The following BAZ2B variants were observed in gnomAD, a reference collection of about 807,000 sequenced individuals.
BAZ2B encodes bromodomain adjacent to zinc finger domain 2B.
A neutral mutation model predicts 246.0 loss-of-function variants in BAZ2B; 91 were observed. The ratio of observed to expected loss-of-function variants is 0.37; its 90% CI spans 0.31 to 0.44. The LOEUF (loss-of-function observed/expected upper bound fraction) is 0.44, where lower values mean the gene tolerates loss of function less well. Among genes scored for constraint, BAZ2B ranks in the 20% least tolerant of loss-of-function variants. The pLI, the probability that BAZ2B is intolerant of heterozygous loss-of-function variation, is 1.00. For missense variants in BAZ2B, 2,332 were observed against 2,533.7 expected (o/e 0.92, Z 1.71); for synonymous variants, 855 against 860.0 (o/e 0.99, Z 0.10).
At chr2:159,660,695 G>A in the BAZ2B span, among the ~76,000 whole-genome samples, 2 of 152,110 alleles carry the variant, frequency 1.3e-5, no homozygotes, top group African/African-American at 2.4e-5. Flanking sequence ...CACCTTCCAT[G>A]TTCAAACAAT....
intron 2 of BAZ2B, among the ~76,000 whole-genome samples, chr2:159,504,050 T>C (rs898041046): frequency 6.6e-6 from 1 of 152,162 alleles, no homozygotes; most frequent in Non-Finnish European, 1.5e-5. Flanking sequence ...TATCCTAACA[T>C]TAAATAAACA....
chr2:159,666,015 T>C, the BAZ2B span, among the ~76,000 whole-genome samples: 1 of 151,070 alleles, frequency 6.6e-6, no homozygotes, highest in African/African-American at 2.4e-5. Context: ...ATGTATCCTT[T>C]TATGATGTAC....
intron 20 of BAZ2B, among the ~76,000 whole-genome samples, chr2:159,394,560 G>T (rs1286019470): frequency 6.6e-6 from 1 of 152,188 alleles, no homozygotes; most frequent in Non-Finnish European, 1.5e-5. Context: ...CACAGAAAGT[G>T]ATTGTTGTAA....
the BAZ2B span, among the ~76,000 whole-genome samples, chr2:159,673,232 T>C: frequency 6.6e-6 from 1 of 152,270 alleles, no homozygotes; most frequent in African/African-American, 2.4e-5. Flanking sequence ...AAAAATAATA[T>C]GAACTGGCTC....
At chr2:159,594,266 G>T (rs1309043108) in intron 1 of BAZ2B, among the ~76,000 whole-genome samples, 1 of 152,170 alleles carries the variant, frequency 6.6e-6, no homozygotes, top group African/African-American at 2.4e-5. Flanking sequence ...AATCAGCCAG[G>T]CGTGGTAGCG....
intron 21 of BAZ2B, 79 bp downstream of exon 21, chr2:159,389,266 G>T: frequency 1.5e-6 from 2 of 1,364,346 alleles, no homozygotes; most frequent in Non-Finnish European, 9.8e-7. Flanking sequence ...CACAATAGCA[G>T]CTCTGGCAAA....
chr2:159,433,221 T>A lies in BAZ2B; in HGVS notation c.1436A>T (p.His479Leu). The A allele has an allele frequency of 6.2e-7, 1 of 1,614,172 alleles. No individual in the cohort carries two copies. Among genetic ancestry groups the A allele is most frequent in the Non-Finnish European group, 8.5e-7 (1 of 1,180,014 alleles). ...TGCATTTGTCAAGAATGGATTTGGGTGGTTGTTTTCTAATGTTTGTTTTGG... is the reference window on the plus strand; with the variant it reads ...TGCATTTGTCAAGAATGGATTTGGGAGGTTGTTTTCTAATGTTTGTTTTGG... ...AHPKQTLENN[H>L]PNPFLTNALL... The change falls in exon 9 of 37, where the codon CAC (histidine) becomes CTC (leucine). Residue 479 changes from histidine to leucine, a missense_variant. His to Leu is a moderately conservative substitution (Grantham distance 99). This residue lies in a region of BAZ2B where 651 missense variants were observed against 650.9 expected (regional missense o/e 1.00). Transcript: ENST00000392783.
chr2:159,690,097 C>A, the BAZ2B span: 1 of 546,238 alleles, frequency 1.8e-6, no homozygotes, highest in Non-Finnish European at 3.0e-6. Flanking sequence ...CTTCATCATT[C>A]TGCAAATCAG....
upstream of BAZ2B, among the ~76,000 whole-genome samples, chr2:159,618,842 A>T (rs2151853169): frequency 6.6e-6 from 1 of 152,226 alleles, no homozygotes; most frequent in Non-Finnish European, 1.5e-5. Flanking sequence ...GTTAAGTGGC[A>T]CACTGTAACT....
the BAZ2B span, among the ~76,000 whole-genome samples, chr2:159,705,722 G>A: frequency 1.3e-5 from 2 of 152,060 alleles, no homozygotes; most frequent in Non-Finnish European, 2.9e-5. Flanking sequence ...GCACAACCTG[G>A]AAAATGTAGG....
chr2:159,662,824 G>A, the BAZ2B span, among the ~76,000 whole-genome samples: 354 of 152,114 alleles, frequency 2.3e-3, 1 homozygote, highest in Non-Finnish European at 3.7e-3. Flanking sequence ...GAGCCACTGC[G>A]CCCAGCCCTT....
intron 5 of BAZ2B, among the ~76,000 whole-genome samples, chr2:159,447,707 T>G (rs1262677297): frequency 6.6e-6 from 1 of 152,180 alleles, no homozygotes; most frequent in Non-Finnish European, 1.5e-5. Flanking sequence ...AAGTAGTATT[T>G]TCTTGAACAA....
chr2:159,589,654 C>A (rs1457995056), intron 1 of BAZ2B, among the ~76,000 whole-genome samples: 1 of 152,086 alleles, frequency 6.6e-6, no homozygotes, highest in Non-Finnish European at 1.5e-5. Flanking sequence ...TTTATATAAT[C>A]TTTATCTCAT....
intron 6 of BAZ2B, among the ~76,000 whole-genome samples, chr2:159,439,738 T>C (rs1032749454): frequency 6.6e-6 from 1 of 152,110 alleles, no homozygotes; most frequent in African/African-American, 2.4e-5. Flanking sequence ...AAGCAAATTA[T>C]TCCATATAAT....
chr2:159,383,084 A>G (rs560857000), intron 24 of BAZ2B, among the ~76,000 whole-genome samples: 4 of 152,276 alleles, frequency 2.6e-5, no homozygotes, highest in Non-Finnish European at 5.9e-5. Flanking sequence ...ATGGCTGAGT[A>G]ATAATTTCTG....
chr2:159,324,239 C>T (rs2063129014), intron 36 of BAZ2B, among the ~76,000 whole-genome samples: 1 of 152,074 alleles, frequency 6.6e-6, no homozygotes, highest in Non-Finnish European at 1.5e-5. Flanking sequence ...AATAGGATTG[C>T]AAAGAGAATA....
chr2:159,690,368 T>C, the BAZ2B span: 1 of 169,636 alleles, frequency 5.9e-6, no homozygotes, highest in East Asian at 1.7e-4. Flanking sequence ...TTTATTGAGA[T>C]TGTCTTTCAC....
rs149139946 is a variant in BAZ2B at position 159,523,656 on chromosome 2, A to C, written c.-3+32167T>G. 7.2e-3 allele frequency among the ~76,000 whole-genome samples: 1,091 copies of C among 150,946 alleles called. 10 individuals are homozygous for C. Among genetic ancestry groups the C allele is most frequent in the African/African-American group, 0.025 (1,044 of 41,080 alleles). On this transcript the variant is annotated intron_variant, in intron 2 of 36. Transcript: ENST00000392783. The stretch of plus-strand genomic sequence containing the variant: ...GAGGCAGAGGTTGCAGTGAACTGTG[A>C]CACTGCACCCCAGCCTGGGTGACAG...
At chr2:159,369,643 G>A (rs1452742048) in intron 27 of BAZ2B, among the ~76,000 whole-genome samples, 2 of 152,190 alleles carry the variant, frequency 1.3e-5, no homozygotes, top group Non-Finnish European at 2.9e-5. Context: ...TAAGAAGAAT[G>A]TGGCTCTTAA....
Sources: allele counts gnomAD v4.1 joint callset (sites outside exome capture counted in the v4.1 genomes callset), GRCh38; gene constraint gnomAD v4.1.1; regional missense constraint gnomAD v4.1.1; transcripts MANE v1.5; gene names NCBI Gene and HGNC (gene_info 2026-07-23, HGNC 2026-07-21).